The following ADGRB3 variants were observed in gnomAD, a reference collection of about 807,000 sequenced individuals.
ADGRB3 encodes brain-specific angiogenesis inhibitor 3.
Under a neutral mutation model 193.4 loss-of-function variants are expected in ADGRB3, and 37 were observed. The observed-to-expected ratio is 0.19, with a 90% CI of 0.15 to 0.25. The LOEUF is 0.25. ADGRB3 is among the 10% of genes least tolerant of loss of function. ADGRB3 has a pLI of 1.00. For synonymous variants in ADGRB3, 690 were observed against 644.2 expected, an observed-to-expected ratio of 1.07 and a Z score of -1.08; for missense variants, 1,637 against 1,852.9, an observed-to-expected ratio of 0.88 and a Z score of 2.14.
chr6:68,815,629 GT>G (rs1767617407), intron 3 of ADGRB3, among the ~76,000 whole-genome samples: 1 of 148,174 alleles, frequency 6.7e-6, no homozygotes, highest in Admixed American at 7.0e-5. Flanking sequence ...GTGTGTGTGT[GT>G]GTGTGTGTGT....
intron 3 of ADGRB3, among the ~76,000 whole-genome samples, chr6:68,703,467 C>T (rs2257875): frequency 0.74 from 113,062 of 151,954 alleles, 42,533 homozygotes; most frequent in Middle Eastern, 0.91. Context: ...ATAATTTATA[C>T]AATAATTCTA....
chr6:69,315,483 G>A (rs182178740), intron 20 of ADGRB3, among the ~76,000 whole-genome samples: 2 of 151,546 alleles, frequency 1.3e-5, no homozygotes, highest in Admixed American at 6.6e-5. Context: ...TATTACCTTT[G>A]TGCAAATCCC....
At position 69,169,754 on chromosome 6, in the gene ADGRB3, A is replaced by G. The variant is rs1775225958; in HGVS notation, c.2481-63536A>G. Among the ~76,000 whole-genome samples, 5 of 152,158 alleles carry G rather than the reference A, an allele frequency of 3.3e-5. No homozygotes were observed. In the South Asian group the frequency reaches 1.0e-3, roughly 32 times the overall value. On this transcript the variant is annotated intron_variant, in intron 17 of 31. Transcript: ENST00000370598. ...TCTATAACTATTGGTTCCCAATTTA[A>G]GTGCTCAGGAATATTCAACCATTTC... is the stretch of plus-strand genomic sequence containing the variant.
rs562653677 is a variant in ADGRB3 at position 69,176,350 on chromosome 6, A to T, written c.2481-56940A>T. Among the ~76,000 whole-genome samples the T allele has an allele frequency of 1.6e-4, 25 of 152,204 alleles. 1 individual carries two copies. The East Asian group carries it at 4.1e-3, about 25-fold the overall frequency. On this transcript the variant is annotated intron_variant, in intron 17 of 31. Transcript: ENST00000370598. ...TCTTCAGAGCTTTGATCATAAAGGG[A>T]TGTTAGATTTTATCAAGAGCTTTCC... is the stretch of plus-strand genomic sequence containing the variant.
At chr6:69,024,405 G>A (rs1052980247) in intron 13 of ADGRB3, among the ~76,000 whole-genome samples, 1 of 152,236 alleles carries the variant, frequency 6.6e-6, no homozygotes, top group African/African-American at 2.4e-5. Context: ...GGACCTAAAT[G>A]TTCAAGCTCT....
chr6:68,799,089 G>T (rs763910701), intron 3 of ADGRB3, among the ~76,000 whole-genome samples: 2 of 152,038 alleles, frequency 1.3e-5, no homozygotes, highest in African/African-American at 2.4e-5. Flanking sequence ...TTCGTTTAAA[G>T]AATAGATTGG....
chr6:69,203,105 C>T lies in ADGRB3; in HGVS notation c.2481-30185C>T, dbSNP rs184924702. Among the ~76,000 whole-genome samples the T allele has an allele frequency of 9.2e-4, 140 of 152,106 alleles. 1 individual carries two copies. Among genetic ancestry groups the T allele is most frequent in the African/African-American group, 3.3e-3 (136 of 41,490 alleles). On this transcript the variant is annotated intron_variant, in intron 17 of 31. Coordinates refer to ENST00000370598, the MANE Select transcript of ADGRB3 (RefSeq NM_001704.3). ...AGAGTACTGAGGTCTGAGAGAAACT[C>T]AGTTAAGAATACAGATATTTGATTT... is the stretch of plus-strand genomic sequence containing the variant.
intron 3 of ADGRB3, among the ~76,000 whole-genome samples, chr6:68,883,559 C>T (rs993404279): frequency 1.7e-4 from 26 of 152,086 alleles, no homozygotes; most frequent in African/African-American, 5.6e-4. Flanking sequence ...TTGAGGTCAG[C>T]GAGACCACGA....
intron 3 of ADGRB3, among the ~76,000 whole-genome samples, chr6:68,766,829 A>G (rs1004552221): frequency 4.6e-5 from 7 of 152,140 alleles, no homozygotes; most frequent in African/African-American, 1.7e-4. Context: ...AATATATAGT[A>G]TCTGTATATG....
At chr6:68,679,444 C>T (rs1457919951) in intron 3 of ADGRB3, among the ~76,000 whole-genome samples, 1 of 152,100 alleles carries the variant, frequency 6.6e-6, no homozygotes, top group Non-Finnish European at 1.5e-5. Flanking sequence ...ATGGAAGAGC[C>T]ACTTCTGCTC....
intron 3 of ADGRB3, among the ~76,000 whole-genome samples, chr6:68,700,714 C>A (rs1184647585): frequency 3.3e-5 from 5 of 151,190 alleles, no homozygotes; most frequent in Admixed American, 1.3e-4. Context: ...AGCAAACTAT[C>A]GCAAGGACAA....
At chr6:69,052,632 T>C (rs62416780) in intron 15 of ADGRB3, among the ~76,000 whole-genome samples, 17,081 of 152,262 alleles carry the variant, frequency 0.11, 1,117 homozygotes, top group Middle Eastern at 0.25. Context: ...TTGTCCTTCA[T>C]ACAAAGACAA....
At chr6:68,675,550 A>T (rs985281163) in intron 3 of ADGRB3, among the ~76,000 whole-genome samples, 1 of 152,216 alleles carries the variant, frequency 6.6e-6, no homozygotes, top group African/African-American at 2.4e-5. Flanking sequence ...AAGCATGCAT[A>T]TATGATTGAA....
intron 29 of ADGRB3, 52 bp downstream of exon 29, chr6:69,361,564 A>G (rs1383734199): frequency 6.6e-7 from 1 of 1,520,430 alleles, no homozygotes; most frequent in African/African-American, 1.4e-5. Context: ...ATGAATAGAT[A>G]TAAATAGAGA....
chr6:68,658,782 G>C (rs908123443), intron 3 of ADGRB3, among the ~76,000 whole-genome samples: 1 of 145,164 alleles, frequency 6.9e-6, no homozygotes, highest in Admixed American at 6.9e-5. Flanking sequence ...TAATTACCTT[G>C]AACTTTACTT....
At chr6:69,232,648 C>T in intron 17 of ADGRB3, 2 of 1,531,056 alleles carry the variant, frequency 1.3e-6, no homozygotes, top group Non-Finnish European at 1.7e-6. Flanking sequence ...CCCACCCCTC[C>T]CCTGGATACC....
chr6:69,065,617 T>A (rs1012467925), intron 16 of ADGRB3, among the ~76,000 whole-genome samples: 21 of 152,114 alleles, frequency 1.4e-4, no homozygotes, highest in Non-Finnish European at 2.2e-4. Context: ...ATATATTCTA[T>A]GTACTGAGAT....
At chr6:68,955,330 T>A (rs770434215) in intron 6 of ADGRB3, among the ~76,000 whole-genome samples, 21 of 152,248 alleles carry the variant, frequency 1.4e-4, no homozygotes, top group Non-Finnish European at 1.3e-4. Context: ...TTATCTAGCA[T>A]GTAATTCATG....
At chr6:68,750,342 G>C (rs1053319264) in intron 3 of ADGRB3, among the ~76,000 whole-genome samples, 2 of 152,026 alleles carry the variant, frequency 1.3e-5, no homozygotes, top group African/African-American at 4.8e-5. Context: ...TCGGGGATAG[G>C]GTGAATTTTC....
Sources: gnomAD v4.1 joint callset for allele counts (sites outside exome capture counted in the v4.1 genomes callset) on GRCh38, gnomAD v4.1.1 for gene constraint, MANE v1.5 for transcripts, NCBI Gene and HGNC (gene_info 2026-07-23, HGNC 2026-07-21) for gene names.